Variants in ARID5B observed in about 807,000 individuals in gnomAD.
ARID5B encodes AT-rich interaction domain 5B.
A neutral mutation model predicts 97.2 loss-of-function variants in ARID5B; 13 were observed. The observed-to-expected ratio is 0.13, with a 90% CI of 0.09 to 0.21. The LOEUF (loss-of-function observed/expected upper bound fraction) is 0.21, where lower values mean the gene tolerates loss of function less well. Ranked by LOEUF, ARID5B falls within the 10% of genes least tolerant of loss-of-function variation. ARID5B has a pLI of 1.00. For missense variants in ARID5B, 1,210 were observed against 1,465.3 expected, an observed-to-expected ratio of 0.83 and a Z score of 2.84; for synonymous variants, 556 against 570.3, an observed-to-expected ratio of 0.97 and a Z score of 0.36.
At chr10:61,909,418 C>T (rs1312614744) in intron 2 of ARID5B, among the ~76,000 whole-genome samples, 3 of 151,412 alleles carry the variant, frequency 2.0e-5, no homozygotes, top group South Asian at 2.1e-4. Flanking sequence ...CTCCGCCTCC[C>T]GGGTTCACGC....
intron 6 of ARID5B, among the ~76,000 whole-genome samples, chr10:62,058,367 G>A (rs143758063): frequency 6.6e-6 from 1 of 152,262 alleles, no homozygotes; most frequent in Non-Finnish European, 1.5e-5. Flanking sequence ...GTGTCAAAGA[G>A]CCTTTAAAAA....
intron 2 of ARID5B, among the ~76,000 whole-genome samples, chr10:61,906,378 G>A (rs923876550): frequency 2.0e-5 from 3 of 152,174 alleles, no homozygotes; most frequent in Admixed American, 2.0e-4. Flanking sequence ...CTTCAGAGGA[G>A]GAAAATGGCA....
chr10:61,967,250 C>T (rs60610761), intron 3 of ARID5B, among the ~76,000 whole-genome samples: 154 of 152,280 alleles, frequency 1.0e-3, no homozygotes, highest in African/African-American at 3.5e-3. Flanking sequence ...ATGAACCACT[C>T]TTATTTGGAT....
chr10:61,997,452 T>C (rs1280735719), intron 3 of ARID5B, among the ~76,000 whole-genome samples: 1 of 152,040 alleles, frequency 6.6e-6, no homozygotes, highest in Non-Finnish European at 1.5e-5. Flanking sequence ...CCAGGTGACA[T>C]CTTCCATGAA....
At chr10:62,073,837 G>A (rs952058216) in intron 8 of ARID5B, among the ~76,000 whole-genome samples, 9 of 152,258 alleles carry the variant, frequency 5.9e-5, no homozygotes, top group Admixed American at 4.6e-4. Context: ...AGTTACTGTA[G>A]CTTTTGATGC....
At chr10:61,988,679 A>G (rs1436584954) in intron 3 of ARID5B, among the ~76,000 whole-genome samples, 1 of 152,184 alleles carries the variant, frequency 6.6e-6, no homozygotes, top group African/African-American at 2.4e-5. Context: ...ACCTGTACAC[A>G]GAACAACCTC....
At chr10:62,035,726 C>T (rs375862991) in intron 4 of ARID5B, among the ~76,000 whole-genome samples, 2 of 151,500 alleles carry the variant, frequency 1.3e-5, no homozygotes, top group Non-Finnish European at 2.9e-5. Flanking sequence ...TGAGCCACCA[C>T]GACCAACCCA....
chr10:61,937,451 C>G (rs1844325011), intron 2 of ARID5B, among the ~76,000 whole-genome samples: 1 of 151,962 alleles, frequency 6.6e-6, no homozygotes, highest in Non-Finnish European at 1.5e-5. Flanking sequence ...GAAACTAAAT[C>G]CAAATTACAG....
rs193162010 is a variant in ARID5B at position 62,000,006 on chromosome 10, A to G, written c.503-85A>G. Reference sequence around the variant, plus strand: ...GAGAGTCTTTTTAGTCCCAAACCAGAAGTGATTATTGAAATTATACCATGG... The same window carrying G: ...GAGAGTCTTTTTAGTCCCAAACCAGGAGTGATTATTGAAATTATACCATGG... On this transcript the variant is annotated intron_variant, in intron 3 of 9. Coordinates refer to ENST00000279873, the MANE Select transcript of ARID5B (RefSeq NM_032199.3). This position sits in a 1 kb window ranked among gnomAD's most constrained non-coding sequence, Gnocchi z 4.4. 38 of 1,340,184 alleles carry G rather than the reference A, an allele frequency of 2.8e-5. No homozygotes were observed. Among genetic ancestry groups the G allele is most frequent in the Middle Eastern group, 1.8e-4 (1 of 5,514 alleles). 83.0% of individuals were successfully genotyped at this position (1,340,184 alleles called of 1,614,324 possible).
At chr10:61,993,317 G>T (rs554524106) in intron 3 of ARID5B, among the ~76,000 whole-genome samples, 8 of 152,090 alleles carry the variant, frequency 5.3e-5, no homozygotes, top group Admixed American at 3.3e-4. Flanking sequence ...CTATAACCAC[G>T]AATTGATAAA....
chr10:62,051,074 G>A lies in ARID5B; in HGVS notation c.846+74G>A, dbSNP rs1165866071. On this transcript the variant is annotated intron_variant, in intron 5 of 9. Transcript: ENST00000279873. The stretch of plus-strand genomic sequence containing the variant: ...TTGCTTTTTCTCTTTATCTCTCTGT[G>A]CCTGTGTCTTGGAGGCAGTTTTCAA... 5.5e-6 allele frequency: 7 copies of A among 1,263,230 alleles called. No individual in the cohort carries two copies. The Admixed American group carries it at 5.6e-5, about 10-fold the overall frequency. The allele number at this position is 1,263,230 out of a possible 1,614,324, so 78.3% of individuals were successfully genotyped here.
chr10:61,936,074 C>G (rs138968772), intron 2 of ARID5B, among the ~76,000 whole-genome samples: 2,438 of 152,268 alleles, frequency 0.016, 22 homozygotes, highest in Non-Finnish European at 0.024. Flanking sequence ...CAGAGATTCC[C>G]GAGGGTTTCT....
chr10:61,939,284 G>A (rs912838449), intron 2 of ARID5B, among the ~76,000 whole-genome samples: 1 of 152,166 alleles, frequency 6.6e-6, no homozygotes, highest in Admixed American at 6.5e-5. Context: ...CCAGTGAGAT[G>A]ATCTTCTTGA....
chr10:62,013,794 G>GTATATA (rs60930079), intron 4 of ARID5B, among the ~76,000 whole-genome samples: 26,607 of 138,506 alleles, frequency 0.19, 2,535 homozygotes, highest in South Asian at 0.25. Flanking sequence ...ATTCCATTGG[G>GTATATA]TATATATATA....
At chr10:62,055,181 T>G (rs969768009) in intron 5 of ARID5B, among the ~76,000 whole-genome samples, 6 of 152,178 alleles carry the variant, frequency 3.9e-5, no homozygotes, top group African/African-American at 1.2e-4. Context: ...TAATTAGAAG[T>G]TTGTTTTCAT....
chr10:62,015,260 C>T (rs778206298), intron 4 of ARID5B, among the ~76,000 whole-genome samples: 3 of 152,166 alleles, frequency 2.0e-5, no homozygotes, highest in South Asian at 2.1e-4. Context: ...TCATTATCTC[C>T]TCGATTTTCA....
At chr10:62,058,937 A>G (rs182229421) in intron 6 of ARID5B, among the ~76,000 whole-genome samples, 21 of 152,318 alleles carry the variant, frequency 1.4e-4, no homozygotes, top group African/African-American at 4.8e-4. Context: ...CTTTTTCCCA[A>G]AGACATCTAA....
intron 8 of ARID5B, among the ~76,000 whole-genome samples, chr10:62,080,658 G>T (rs2132969692): frequency 6.6e-6 from 1 of 152,246 alleles, no homozygotes; most frequent in African/African-American, 2.4e-5. Context: ...TGGCTGCAAA[G>T]GGAAATGTCT....
chr10:62,051,820 T>G (rs546966957), intron 5 of ARID5B, among the ~76,000 whole-genome samples: 135 of 152,292 alleles, frequency 8.9e-4, no homozygotes, highest in Non-Finnish European at 1.6e-3. Context: ...AGGATTTTAG[T>G]TGACGAACAG....
Sources: allele counts gnomAD v4.1 joint callset (sites outside exome capture counted in the v4.1 genomes callset), GRCh38; gene constraint gnomAD v4.1.1; non-coding constraint Gnocchi (gnomAD v3.1); transcripts MANE v1.5; gene names NCBI Gene and HGNC (gene_info 2026-07-23, HGNC 2026-07-21).